SHLD2: variants seen among roughly 807,000 people sequenced by gnomAD.
SHLD2 encodes the protein shieldin complex subunit 2.
Under a neutral mutation model 73.2 loss-of-function variants are expected in SHLD2, and 30 were observed. That is an observed-to-expected ratio of 0.41 (90% CI 0.31 to 0.56). The LOEUF (loss-of-function observed/expected upper bound fraction) is 0.56, where lower values mean the gene tolerates loss of function less well. SHLD2 is among the 20% of genes least tolerant of loss of function. SHLD2 has a pLI of 0.28. For synonymous variants in SHLD2, 285 were observed against 370.1 expected (o/e 0.77, Z 2.64); for missense variants, 745 against 1,055.9 (o/e 0.71, Z 4.08).
At chr10:87,140,111 A>G (rs1011052032) in intron 2 of SHLD2, among the ~76,000 whole-genome samples, 18 of 152,120 alleles carry the variant, frequency 1.2e-4, no homozygotes, top group African/African-American at 4.3e-4. Context: ...GGTAGAAAGC[A>G]ATTACTTTAG....
At chr10:87,101,902 G>T (rs1027129675) in intron 2 of SHLD2, among the ~76,000 whole-genome samples, 2 of 151,928 alleles carry the variant, frequency 1.3e-5, no homozygotes, top group African/African-American at 4.8e-5. Context: ...CGACAGAACG[G>T]TTTTTGTATG....
At chr10:87,183,125 G>A (rs1848413264) in intron 8 of SHLD2, among the ~76,000 whole-genome samples, 1 of 152,206 alleles carries the variant, frequency 6.6e-6, no homozygotes, top group Non-Finnish European at 1.5e-5. Flanking sequence ...GAAGTGGTAG[G>A]AATAAAAAGA....
At chr10:87,173,833 A>C (rs1847772912) in intron 6 of SHLD2, among the ~76,000 whole-genome samples, 6 of 152,208 alleles carry the variant, frequency 3.9e-5, no homozygotes, top group Admixed American at 1.3e-4. Flanking sequence ...AAAGGATATG[A>C]GTAGGCAAGT....
intron 2 of SHLD2, among the ~76,000 whole-genome samples, chr10:87,118,766 C>T (rs868187877): frequency 0.012 from 1,837 of 149,038 alleles, 31 homozygotes; most frequent in Middle Eastern, 0.071. Context: ...TGGAGATCAT[C>T]TTTTATTTTT....
chr10:87,120,284 A>G (rs1482476597), intron 2 of SHLD2, among the ~76,000 whole-genome samples: 5 of 150,938 alleles, frequency 3.3e-5, no homozygotes, highest in Non-Finnish European at 5.9e-5. Context: ...GTCTTGCTCT[A>G]TCGCCCAGGC....
rs376932843 is a variant in SHLD2, at chr10:87,151,635, G to A, written c.281G>A (p.Arg94His). Reference protein sequence around the residue: ...RHVHVKDDFVRSVSETQNIES... With the variant: ...RHVHVKDDFVHSVSETQNIES... ...GTTCATGTGAAAGATGACTTTGTAC[G>A]TTCTGTTTCTGAAACACAGAATATA... Residue 94 changes from arginine to histidine, a missense_variant, in exon 3 of 10, where the codon CGT becomes CAT. Physicochemically the swap from Arg to His is conservative, Grantham distance 29. Around this residue, in one of 5 missense-constraint regions of SHLD2, gnomAD observed 280 missense variants for 353.9 expected, o/e 0.79. Transcript: ENST00000298786. 43 of 1,611,666 alleles carry A rather than the reference G, an allele frequency of 2.7e-5. No homozygotes were observed. The South Asian group carries it at 4.3e-4, about 16-fold the overall frequency.
intron 6 of SHLD2, among the ~76,000 whole-genome samples, chr10:87,172,706 AAT>A (rs1491529062): frequency 2.6e-5 from 4 of 151,968 alleles, no homozygotes; most frequent in East Asian, 3.8e-4. Context: ...ACGTATAGAA[AAT>A]ATGTTATCAT....
chr10:87,130,437 T>C (rs1844347429), intron 2 of SHLD2, among the ~76,000 whole-genome samples: 1 of 151,574 alleles, frequency 6.6e-6, no homozygotes, highest in South Asian at 2.1e-4. Flanking sequence ...CCCGCACCAA[T>C]GTGCTTTATG....
intron 4 of SHLD2, among the ~76,000 whole-genome samples, chr10:87,160,090 A>G (rs1291690942): frequency 6.6e-6 from 1 of 152,006 alleles, no homozygotes; most frequent in Admixed American, 6.6e-5. Flanking sequence ...CCCAATGGTG[A>G]TATCTTATAT....
intron 9 of SHLD2, among the ~76,000 whole-genome samples, chr10:87,188,643 AATT>A (rs1848791302): frequency 6.6e-6 from 1 of 152,138 alleles, no homozygotes; most frequent in South Asian, 2.1e-4. Flanking sequence ...TATTAATAAA[AATT>A]AATCACATTC....
intron 8 of SHLD2, among the ~76,000 whole-genome samples, chr10:87,183,532 C>T (rs534745998): frequency 1.3e-5 from 2 of 152,294 alleles, no homozygotes; most frequent in African/African-American, 4.8e-5. Flanking sequence ...CAAACAAAAT[C>T]ATCCATTAAC....
chr10:87,178,129 G>C (rs1293539381), intron 7 of SHLD2, among the ~76,000 whole-genome samples: 1 of 150,342 alleles, frequency 6.7e-6, no homozygotes, highest in Admixed American at 6.7e-5. Flanking sequence ...CCAGCTACTT[G>C]GGAGGCTGAG....
intron 4 of SHLD2, among the ~76,000 whole-genome samples, chr10:87,159,471 A>C (rs1187958039): frequency 9.2e-5 from 14 of 152,342 alleles, no homozygotes; most frequent in Non-Finnish European, 1.6e-4. Flanking sequence ...CAGACCAAAA[A>C]AAATGAATGA....
chr10:87,169,657 C>T (rs1220677593), intron 4 of SHLD2, among the ~76,000 whole-genome samples: 1 of 150,754 alleles, frequency 6.6e-6, no homozygotes, highest in Non-Finnish European at 1.5e-5. Context: ...CTCAAGCATA[C>T]TTGTCTTACC....
chr10:87,117,656 A>G lies in SHLD2; in HGVS notation c.-6+20667A>G, dbSNP rs571946462. 5.5e-3 allele frequency among the ~76,000 whole-genome samples: 841 copies of G among 152,078 alleles called. 13 individuals are homozygous for G. Among genetic ancestry groups the G allele is most frequent in the African/African-American group, 0.019 (803 of 41,494 alleles). On this transcript the variant is annotated intron_variant, in intron 2 of 9. Coordinates refer to ENST00000298786, the MANE Select transcript of SHLD2 (RefSeq NM_001330112.2). ...AAAAAATACAAAAAATTAGTCAGGTATGGTGGCATGCACCTGTAGTCCCAG... is the reference window on the plus strand; with the variant it reads ...AAAAAATACAAAAAATTAGTCAGGTGTGGTGGCATGCACCTGTAGTCCCAG...
chr10:87,094,787 A>G (rs1214783128), upstream of SHLD2: 3 of 1,525,226 alleles, frequency 2.0e-6, no homozygotes, highest in Non-Finnish European at 2.7e-6. This position sits in a 1 kb window ranked among gnomAD's most constrained non-coding sequence, Gnocchi z 6.6. Flanking sequence ...AGCGGAGGGG[A>G]GGTGCGTGAT....
chr10:87,115,522 C>CT, intron 2 of SHLD2: 1 of 77,164 alleles, frequency 1.3e-5, no homozygotes, highest in Middle Eastern at 5.4e-3. Context: ...ATAAGCACGT[C>CT]CTTTTAACAT....
intron 2 of SHLD2, among the ~76,000 whole-genome samples, chr10:87,116,184 C>T (rs1843245141): frequency 6.6e-6 from 1 of 151,874 alleles, no homozygotes. Context: ...GAGGACTAAG[C>T]GTGGATATTT....
At chr10:87,105,787 C>T (rs973399142) in intron 2 of SHLD2, among the ~76,000 whole-genome samples, 1 of 152,210 alleles carries the variant, frequency 6.6e-6, no homozygotes, top group Non-Finnish European at 1.5e-5. Flanking sequence ...CAGTTTCCTC[C>T]TGTGCATATC....
Sources: allele counts gnomAD v4.1 joint callset (sites outside exome capture counted in the v4.1 genomes callset), GRCh38; gene constraint gnomAD v4.1.1; regional missense constraint gnomAD v4.1.1; non-coding constraint Gnocchi (gnomAD v3.1); transcripts MANE v1.5; gene names NCBI Gene and HGNC (gene_info 2026-07-23, HGNC 2026-07-21).